Variants in UBE2E3 observed in about 807,000 individuals in gnomAD.
UBE2E3 encodes the protein ubiquitin-conjugating enzyme E2 E3.
In UBE2E3, 5 loss-of-function variants were observed where a neutral mutation model predicts 23.6. The ratio of observed to expected loss-of-function variants is 0.21; its 90% confidence interval spans 0.11 to 0.44. UBE2E3 has a LOEUF of 0.44. UBE2E3 is among the 20% of genes least tolerant of loss of function. UBE2E3 has a pLI of 0.99. For synonymous variants in UBE2E3, 78 were observed against 87.5 expected, an observed-to-expected ratio of 0.89 and a Z score of 0.60; for missense variants, 81 against 249.8, an observed-to-expected ratio of 0.32 and a Z score of 4.55.
intron 3 of UBE2E3, among the ~76,000 whole-genome samples, chr2:180,997,351 A>G (rs2105585776): frequency 6.6e-6 from 1 of 151,950 alleles, no homozygotes; most frequent in East Asian, 1.9e-4. Context: ...ATTTGGTAAT[A>G]CTAGCTGTTA....
chr2:180,985,281 G>A (rs544001167), intron 3 of UBE2E3, among the ~76,000 whole-genome samples: 14 of 152,216 alleles, frequency 9.2e-5, no homozygotes, highest in Non-Finnish European at 1.2e-4. Context: ...TATGCTGTCC[G>A]GTAATGTAGC....
chr2:181,029,993 C>G (rs1174262189), intron 3 of UBE2E3, among the ~76,000 whole-genome samples: 2 of 151,912 alleles, frequency 1.3e-5, no homozygotes, highest in Non-Finnish European at 2.9e-5. Context: ...GCCACCATGC[C>G]TGGCTAATTT....
intron 3 of UBE2E3, among the ~76,000 whole-genome samples, chr2:181,052,556 T>A (rs896985928): frequency 6.6e-6 from 1 of 151,908 alleles, no homozygotes; most frequent in Non-Finnish European, 1.5e-5. Context: ...TTTAAAAATA[T>A]CTGAAAATGG....
chr2:180,986,445 T>C (rs1253296045), intron 3 of UBE2E3, among the ~76,000 whole-genome samples: 2 of 152,120 alleles, frequency 1.3e-5, no homozygotes, highest in Non-Finnish European at 2.9e-5. Context: ...AAAGGTGTTT[T>C]AGAACTTTGA....
rs766729063 is a variant in UBE2E3 at position 181,001,903 on chromosome 2, C to CT, written c.245+17813dup. 5.9e-5 allele frequency among the ~76,000 whole-genome samples: 9 copies of CT among 152,218 alleles called. No homozygotes were observed. In the South Asian group the frequency reaches 1.0e-3, roughly 18 times the overall value. On this transcript the variant is annotated intron_variant, in intron 3 of 5. Transcript: ENST00000410062. ...TAATCATCTAAAATGGCAAGACTGT[C>CT]TTTACTATTAAGTATTTGTTGACGA... is the stretch of plus-strand genomic sequence containing the variant.
intron 3 of UBE2E3, among the ~76,000 whole-genome samples, chr2:180,986,880 G>T (rs1684487808): frequency 6.6e-6 from 1 of 152,034 alleles, no homozygotes. Context: ...AGACTGGGAT[G>T]ATTTCTCTAA....
chr2:181,033,811 A>G (rs1559129161), intron 3 of UBE2E3, among the ~76,000 whole-genome samples: 1 of 152,228 alleles, frequency 6.6e-6, no homozygotes, highest in Non-Finnish European at 1.5e-5. Context: ...CAGAATCTAC[A>G]AAGAACTCAA....
rs113366917 is a variant in UBE2E3 at position 181,059,903 on chromosome 2, AT to A, written c.379-751del. Among the ~76,000 whole-genome samples the A allele has an allele frequency of 4.0e-3, 587 of 148,482 alleles. 15 individuals are homozygous for A. In the East Asian group the frequency reaches 0.06, roughly 15 times the overall value. On this transcript the variant is annotated intron_variant, in intron 4 of 5. Transcript: ENST00000410062. Reference sequence around the variant, plus strand: ...ACTGCTAGTTTTCAAATGATCAGAAATTTTTTTTTTTCTCGGCAACTCCAAT... The same window carrying A: ...ACTGCTAGTTTTCAAATGATCAGAAATTTTTTTTTTCTCGGCAACTCCAAT...
intron 3 of UBE2E3, among the ~76,000 whole-genome samples, chr2:181,010,502 C>T (rs991622397): frequency 2.6e-5 from 4 of 152,058 alleles, no homozygotes; most frequent in African/African-American, 9.7e-5. Context: ...TCAGGGAAAT[C>T]AAAGGGATAT....
intron 3 of UBE2E3, among the ~76,000 whole-genome samples, chr2:181,014,108 A>G (rs1210441122): frequency 6.6e-6 from 1 of 152,176 alleles, no homozygotes; most frequent in Non-Finnish European, 1.5e-5. Context: ...TATGTCAGGG[A>G]TGATGCCCAT....
chr2:181,061,057 C>T (rs1265858139), intron 5 of UBE2E3, among the ~76,000 whole-genome samples: 1 of 151,030 alleles, frequency 6.6e-6, no homozygotes, highest in African/African-American at 2.4e-5. Flanking sequence ...ATTTTGTCAC[C>T]ATCATTAATG....
intron 3 of UBE2E3, among the ~76,000 whole-genome samples, chr2:181,011,107 A>C (rs1330008082): frequency 6.6e-6 from 1 of 151,766 alleles, no homozygotes; most frequent in Non-Finnish European, 1.5e-5. Flanking sequence ...AATTAGTTAG[A>C]GCCAGAACAA....
At chr2:181,041,460 A>T (rs1297882813) in intron 3 of UBE2E3, among the ~76,000 whole-genome samples, 1 of 146,198 alleles carries the variant, frequency 6.8e-6, no homozygotes, top group Non-Finnish European at 1.5e-5. Flanking sequence ...TTTTTTTTTG[A>T]GATGGAGTCT....
chr2:181,016,567 A>T (rs942877512), intron 3 of UBE2E3, among the ~76,000 whole-genome samples: 2 of 152,172 alleles, frequency 1.3e-5, no homozygotes, highest in Non-Finnish European at 2.9e-5. Flanking sequence ...ATAACTTGAC[A>T]ATTACCTGGC....
intron 3 of UBE2E3, among the ~76,000 whole-genome samples, chr2:181,040,975 T>C (rs534006708): frequency 5.9e-5 from 9 of 152,112 alleles, no homozygotes; most frequent in Non-Finnish European, 1.0e-4. Context: ...CAGGGCCGAG[T>C]GCAGTGGCTG....
intron 3 of UBE2E3, among the ~76,000 whole-genome samples, chr2:180,998,939 ATTAC>A (rs1238279383): frequency 6.6e-6 from 1 of 152,218 alleles, no homozygotes; most frequent in African/African-American, 2.4e-5. Flanking sequence ...TGTTTATTAA[ATTAC>A]TTTTCTCTAT....
At chr2:181,033,067 A>G (rs548896043) in intron 3 of UBE2E3, among the ~76,000 whole-genome samples, 4 of 152,316 alleles carry the variant, frequency 2.6e-5, no homozygotes, top group African/African-American at 9.6e-5. Flanking sequence ...ATGCTCATGG[A>G]TAGGAAGAAT....
chr2:181,022,575 A>C (rs549455211), intron 3 of UBE2E3, among the ~76,000 whole-genome samples: 3 of 152,122 alleles, frequency 2.0e-5, no homozygotes, highest in Non-Finnish European at 4.4e-5. Flanking sequence ...TCATCTAAAC[A>C]TGTATTTTAT....
intron 3 of UBE2E3, among the ~76,000 whole-genome samples, chr2:181,021,337 A>G (rs549982549): frequency 1.9e-4 from 28 of 150,110 alleles, no homozygotes; most frequent in Non-Finnish European, 2.7e-4. Flanking sequence ...TCACCATTAC[A>G]GTGTTTCTTC....
Sources: allele counts gnomAD v4.1 joint callset (sites outside exome capture counted in the v4.1 genomes callset), GRCh38; gene constraint gnomAD v4.1.1; transcripts MANE v1.5; gene names NCBI Gene and HGNC (gene_info 2026-07-23, HGNC 2026-07-21).